LRRTM4: variants seen among roughly 807,000 people sequenced by gnomAD.
The protein encoded by LRRTM4 is leucine-rich repeat transmembrane neuronal protein 4.
Under a neutral mutation model 47.6 loss-of-function variants are expected in LRRTM4, and 25 were observed. The ratio of observed to expected loss-of-function variants is 0.53; its 90% CI spans 0.38 to 0.73. LRRTM4 has a LOEUF of 0.73. LRRTM4 is among the 30% of genes least tolerant of loss of function. The probability of loss-of-function intolerance (pLI) is 0.00; values close to 1 mark genes in which losing one functional copy is unlikely to be tolerated. For synonymous variants in LRRTM4, 311 were observed against 269.5 expected (o/e 1.15, Z -1.51); for missense variants, 638 against 713.4 (o/e 0.89, Z 1.20).
At chr2:76,780,385 C>T (rs1401704032) in intron 3 of LRRTM4, among the ~76,000 whole-genome samples, 2 of 152,314 alleles carry the variant, frequency 1.3e-5, no homozygotes, top group South Asian at 2.1e-4. Context: ...CTCCCCATCA[C>T]TTTCAGGTAC....
chr2:76,771,380 C>G (rs947339405), intron 3 of LRRTM4, among the ~76,000 whole-genome samples: 3 of 152,110 alleles, frequency 2.0e-5, no homozygotes, highest in African/African-American at 7.2e-5. Flanking sequence ...CTCAGAACTA[C>G]TCCATCTGAT....
chr2:76,975,354 A>T (rs1056704333), intron 3 of LRRTM4, among the ~76,000 whole-genome samples: 2 of 151,766 alleles, frequency 1.3e-5, no homozygotes, highest in Non-Finnish European at 2.9e-5. Context: ...TGAAAACAAA[A>T]TCTTACAGGA....
At chr2:77,521,063 A>G (rs1679472739) in intron 2 of LRRTM4, among the ~76,000 whole-genome samples, 1 of 151,856 alleles carries the variant, frequency 6.6e-6, no homozygotes, top group South Asian at 2.1e-4. Context: ...TTAATTTAAA[A>G]CCCGATCTTG....
chr2:76,873,355 T>G (rs898106828), intron 3 of LRRTM4, among the ~76,000 whole-genome samples: 3 of 151,786 alleles, frequency 2.0e-5, no homozygotes, highest in Non-Finnish European at 4.4e-5. Flanking sequence ...TCCAATCACC[T>G]AGTCAGTCAT....
At chr2:77,484,698 AAATTT>A (rs1366551516) in intron 3 of LRRTM4, among the ~76,000 whole-genome samples, 33 of 152,210 alleles carry the variant, frequency 2.2e-4, no homozygotes, top group Admixed American at 2.2e-3. Flanking sequence ...CTAGCAATGT[AAATTT>A]AATTTAAAAC....
intron 3 of LRRTM4, among the ~76,000 whole-genome samples, chr2:77,088,803 T>A (rs954525787): frequency 1.3e-5 from 2 of 152,140 alleles, no homozygotes; most frequent in Admixed American, 1.3e-4. Context: ...CCAAGAAACA[T>A]CTCACCAGTT....
At position 76,905,246 on chromosome 2, in the gene LRRTM4, G is replaced by C. The variant is rs576841532; in HGVS notation, c.1552-156330C>G. On this transcript the variant is annotated intron_variant, in intron 3 of 3. Coordinates refer to ENST00000409884, the MANE Select transcript of LRRTM4 (RefSeq NM_001134745.3). ...CTGATACCCAGGCAAACAAGGTCTG[G>C]AGTGGACCTCTAGCAAATTCCAACA... Among the ~76,000 whole-genome samples the C allele has an allele frequency of 1.5e-3, 232 of 152,258 alleles. 1 individual carries two copies. Among genetic ancestry groups the C allele is most frequent in the Non-Finnish European group, 2.7e-3 (181 of 68,020 alleles).
At chr2:77,391,899 C>T (rs1673518384) in intron 3 of LRRTM4, among the ~76,000 whole-genome samples, 1 of 151,976 alleles carries the variant, frequency 6.6e-6, no homozygotes, top group Non-Finnish European at 1.5e-5. Context: ...ATACCAACTC[C>T]AGCCTGACTC....
At chr2:76,862,430 G>A (rs1573225604) in intron 3 of LRRTM4, among the ~76,000 whole-genome samples, 3 of 152,164 alleles carry the variant, frequency 2.0e-5, no homozygotes, top group African/African-American at 2.4e-5. Flanking sequence ...TCAGAGAGGT[G>A]CATGGAAAGA....
At chr2:77,094,902 ACAAG>A (rs1372376804) in intron 3 of LRRTM4, among the ~76,000 whole-genome samples, 1 of 152,184 alleles carries the variant, frequency 6.6e-6, no homozygotes, top group East Asian at 1.9e-4. Flanking sequence ...CCCCAAAAGC[ACAAG>A]CAACAAAAGC....
At chr2:77,448,526 C>A (rs959721918) in intron 3 of LRRTM4, among the ~76,000 whole-genome samples, 1 of 152,134 alleles carries the variant, frequency 6.6e-6, no homozygotes, top group African/African-American at 2.4e-5. Context: ...CTGCAGTCTG[C>A]ATTTCAAATT....
intron 3 of LRRTM4, chr2:77,009,813 C>T (rs191248673): frequency 6.6e-6 from 1 of 152,126 alleles, no homozygotes; most frequent in Non-Finnish European, 1.5e-5. Context: ...GTTTCCATCT[C>T]TTAGTAATTT....
chr2:77,228,443 C>G (rs920681488), intron 3 of LRRTM4, among the ~76,000 whole-genome samples: 2 of 152,106 alleles, frequency 1.3e-5, no homozygotes, highest in African/African-American at 4.8e-5. Flanking sequence ...ATTACATAAG[C>G]TCCAGTGAAT....
intron 3 of LRRTM4, among the ~76,000 whole-genome samples, chr2:77,464,883 T>C (rs183492847): frequency 6.6e-6 from 1 of 152,304 alleles, no homozygotes; most frequent in East Asian, 1.9e-4. Context: ...CAGGTGTGTG[T>C]TATGTAAACT....
chr2:77,503,595 T>C (rs1309517304), intron 3 of LRRTM4, among the ~76,000 whole-genome samples: 1 of 151,472 alleles, frequency 6.6e-6, no homozygotes, highest in Admixed American at 6.6e-5. Flanking sequence ...GGTAGTGTAT[T>C]CTGTGTGTGT....
chr2:77,136,993 C>T (rs975581756), intron 3 of LRRTM4, among the ~76,000 whole-genome samples: 6 of 152,018 alleles, frequency 3.9e-5, no homozygotes, highest in Admixed American at 6.5e-5. Flanking sequence ...ACCAAATCTA[C>T]GTCTGATTGG....
At chr2:77,453,716 G>A (rs1481499873) in intron 3 of LRRTM4, among the ~76,000 whole-genome samples, 1 of 151,964 alleles carries the variant, frequency 6.6e-6, no homozygotes, top group African/African-American at 2.4e-5. Context: ...TTTTGCTTAT[G>A]ATATTTCTGT....
intron 3 of LRRTM4, among the ~76,000 whole-genome samples, chr2:76,812,188 C>T (rs1337782019): frequency 6.6e-6 from 1 of 152,112 alleles, no homozygotes; most frequent in African/African-American, 2.4e-5. Flanking sequence ...AGGAATGAAA[C>T]AATGCATGCT....
At chr2:76,989,021 A>G (rs1470238896) in intron 3 of LRRTM4, among the ~76,000 whole-genome samples, 59 of 151,892 alleles carry the variant, frequency 3.9e-4, no homozygotes, top group Non-Finnish European at 1.5e-5. Context: ...CTTAACTTTT[A>G]CTTCAAGCAT....
Sources: allele counts gnomAD v4.1 joint callset (sites outside exome capture counted in the v4.1 genomes callset), GRCh38; gene constraint gnomAD v4.1.1; transcripts MANE v1.5; gene names NCBI Gene and HGNC (gene_info 2026-07-23, HGNC 2026-07-21).